The following CERT1 variants were observed in gnomAD, a reference collection of about 807,000 sequenced individuals.
CERT1 encodes the protein ceramide transfer protein.
In CERT1, 31 loss-of-function variants were observed where a neutral mutation model predicts 87.9. That is an observed-to-expected ratio of 0.35 (90% confidence interval 0.27 to 0.48). The LOEUF is 0.48. Among genes scored for constraint, CERT1 ranks in the 20% least tolerant of loss-of-function variants. The probability of loss-of-function intolerance (pLI) is 0.99; values close to 1 mark genes in which losing one functional copy is unlikely to be tolerated. For missense variants in CERT1, 487 were observed against 758.0 expected (o/e 0.64, Z 4.20); for synonymous variants, 289 against 250.9 (o/e 1.15, Z -1.44).
Position 75,389,668 on chromosome 5 carries a change from T to C in CERT1, c.1208A>G (p.Asn403Ser). ...FSSQVEEMVQNHMTYSLQDVG... is the reference protein window; with the variant it reads ...FSSQVEEMVQSHMTYSLQDVG... The stretch of plus-strand genomic sequence containing the variant: ...ATCCTGTAATGAGTAAGTCATGTGG[T>C]TCTGCACCATCTCTTCAACCTTGAG... The change falls in exon 12 of 17, where the codon AAC (asparagine) becomes AGC (serine). Residue 403 changes from asparagine (N) to serine (S), a missense_variant. Physicochemically the swap from Asn to Ser is conservative, Grantham distance 46 (BLOSUM62 1). Around this residue, in one of 8 missense-constraint regions of CERT1, gnomAD observed 91 missense variants for 86.7 expected, o/e 1.05. Transcript: ENST00000643780. The C allele has an allele frequency of 2.5e-6, 4 of 1,613,988 alleles. No homozygotes were observed. The highest frequency in any genetic ancestry group is 3.4e-6 in the Non-Finnish European group (4 of 1,179,888).
At chr5:75,370,777 C>A (rs533074673) in intron 17 of CERT1, 1 of 152,068 alleles carries the variant, frequency 6.6e-6, no homozygotes, top group South Asian at 2.1e-4. Flanking sequence ...CATGGCGAAA[C>A]CCTGTCTCTA....
intron 10 of CERT1, 131 bp downstream of exon 10, chr5:75,400,074 G>A (rs571756054): frequency 3.1e-6 from 2 of 649,896 alleles, no homozygotes; most frequent in South Asian, 4.3e-5. Context: ...GGAGACTGTA[G>A]TGAGCCGAGA....
chr5:75,473,172 T>C lies in CERT1; in HGVS notation c.232-13991A>G, dbSNP rs150061824. Among the ~76,000 whole-genome samples the C allele has an allele frequency of 5.3e-5, 8 of 152,232 alleles. No homozygotes were observed. In the East Asian group the frequency reaches 1.4e-3, roughly 26 times the overall value. On this transcript the variant is annotated intron_variant, in intron 2 of 16. Transcript: ENST00000643780. The stretch of plus-strand genomic sequence containing the variant: ...CATAGCTCACTGCAACCTTGGACTC[T>C]TGGGGTGAAGTGATCCTCCTGCCCC...
intron 10 of CERT1, among the ~76,000 whole-genome samples, chr5:75,399,895 C>A (rs1762400948): frequency 6.6e-6 from 1 of 152,084 alleles, no homozygotes; most frequent in Non-Finnish European, 1.5e-5. Flanking sequence ...TCCCAGCACT[C>A]TGGGAGGCTG....
At chr5:75,491,101 A>C (rs539197846) in intron 2 of CERT1, among the ~76,000 whole-genome samples, 1 of 152,052 alleles carries the variant, frequency 6.6e-6, no homozygotes, top group Non-Finnish European at 1.5e-5. Context: ...ATTTTTCCCT[A>C]ATTTTATAAA....
chr5:75,441,360 G>A (rs868644042), intron 3 of CERT1, among the ~76,000 whole-genome samples: 2 of 152,132 alleles, frequency 1.3e-5, no homozygotes, highest in Middle Eastern at 3.4e-3. Flanking sequence ...CAACAAAATC[G>A]ACAAACTATG....
At chr5:75,485,681 A>G (rs1766489811) in intron 2 of CERT1, among the ~76,000 whole-genome samples, 2 of 152,146 alleles carry the variant, frequency 1.3e-5, no homozygotes, top group Non-Finnish European at 2.9e-5. Context: ...GGGAGACATT[A>G]TAACTGATAC....
intron 1 of CERT1, among the ~76,000 whole-genome samples, chr5:75,506,659 AAAT>A (rs1767664344): frequency 6.6e-6 from 1 of 152,238 alleles, no homozygotes; most frequent in South Asian, 2.1e-4. Flanking sequence ...ATCAAAATAA[AAAT>A]AATAATCTTT....
At chr5:75,462,551 G>A (rs1293921062) in intron 2 of CERT1, among the ~76,000 whole-genome samples, 1 of 152,204 alleles carries the variant, frequency 6.6e-6, no homozygotes, top group Non-Finnish European at 1.5e-5. Context: ...ACTGGTACTG[G>A]TCTGTGGCCC....
At position 75,511,234 on chromosome 5, in the gene CERT1, C is replaced by G; in HGVS notation, c.-27G>C. 6.2e-7 allele frequency: 1 copy of G among 1,610,360 alleles called. No homozygotes were observed. Among genetic ancestry groups the G allele is most frequent in the Non-Finnish European group, 8.5e-7 (1 of 1,178,652 alleles). On this transcript the variant is annotated 5_prime_UTR_variant, in exon 1 of 17. Coordinates refer to ENST00000643780, the MANE Select transcript of CERT1 (RefSeq NM_001379029.1). ...GAGGCTCGACAACCGAGCAGGAGAC[C>G]GGCCCCCGCTCCCTCAGCTGCGCCG...
chr5:75,457,830 G>A (rs1052381640), intron 3 of CERT1, among the ~76,000 whole-genome samples: 14 of 150,334 alleles, frequency 9.3e-5, no homozygotes, highest in Admixed American at 3.3e-4. Context: ...TTTCACAATC[G>A]CATACTTCTT....
chr5:75,478,391 T>C (rs1417934880), intron 2 of CERT1, among the ~76,000 whole-genome samples: 4 of 151,554 alleles, frequency 2.6e-5, no homozygotes, highest in African/African-American at 9.7e-5. Flanking sequence ...ATTTTAGATA[T>C]CTGAAAGCAA....
chr5:75,383,344 A>G (rs758614657), intron 14 of CERT1, among the ~76,000 whole-genome samples: 11 of 152,104 alleles, frequency 7.2e-5, no homozygotes, highest in Non-Finnish European at 1.3e-4. Flanking sequence ...TCCTGATACA[A>G]CTTATATGAC....
chr5:75,485,310 TAC>T (rs1458397446), intron 2 of CERT1, among the ~76,000 whole-genome samples: 2 of 24,300 alleles, frequency 8.2e-5, no homozygotes, highest in East Asian at 2.1e-3. Context: ...TACACAAAAA[TAC>T]AAAAAAAAAA....
chr5:75,441,386 A>C (rs1348436747), intron 3 of CERT1, among the ~76,000 whole-genome samples: 1 of 152,206 alleles, frequency 6.6e-6, no homozygotes, highest in Non-Finnish European at 1.5e-5. Flanking sequence ...CTCAGAATGC[A>C]TCTCTATTGT....
intron 11 of CERT1, among the ~76,000 whole-genome samples, chr5:75,393,888 C>A (rs1162293971): frequency 1.3e-5 from 2 of 151,722 alleles, no homozygotes; most frequent in Non-Finnish European, 2.9e-5. Context: ...TCACTTGAAC[C>A]CGGGAGGCGG....
intron 2 of CERT1, among the ~76,000 whole-genome samples, chr5:75,463,868 G>A (rs1308686705): frequency 2.6e-5 from 4 of 152,184 alleles, no homozygotes; most frequent in East Asian, 3.8e-4. Context: ...AGGAAAAGGA[G>A]TTGCTCAACA....
At chr5:75,465,853 G>A (rs573383393) in intron 2 of CERT1, among the ~76,000 whole-genome samples, 1 of 152,148 alleles carries the variant, frequency 6.6e-6, no homozygotes, top group Admixed American at 6.5e-5. Context: ...CAAGGAAAAG[G>A]GGGGGTAGAG....
intron 15 of CERT1, 80 bp from the exon 16 acceptor site, chr5:75,381,281 C>T: frequency 6.7e-7 from 1 of 1,493,664 alleles, no homozygotes; most frequent in Non-Finnish European, 9.2e-7. Flanking sequence ...ATTAGGTTAA[C>T]CAAAATCGTA....
Sources: gnomAD v4.1 joint callset for allele counts (sites outside exome capture counted in the v4.1 genomes callset) on GRCh38, gnomAD v4.1.1 for gene constraint, gnomAD v4.1.1 regional missense constraint, MANE v1.5 for transcripts, NCBI Gene and HGNC (gene_info 2026-07-23, HGNC 2026-07-21) for gene names.